Variants in ITSN2 observed in about 807,000 individuals in gnomAD.
ITSN2 encodes the protein intersectin-2.
ITSN2 carries 156 observed loss-of-function variants against 243.7 expected under a neutral mutation model. That is an observed-to-expected ratio of 0.64 (90% CI 0.56 to 0.73). ITSN2 has a LOEUF of 0.73. Ranked by LOEUF, ITSN2 falls within the 30% of genes least tolerant of loss-of-function variation. The pLI is 0.00. For synonymous variants in ITSN2, 703 were observed against 699.9 expected (o/e 1.00, Z -0.07); for missense variants, 1,801 against 1,996.1 (o/e 0.90, Z 1.86).
chr2:24,235,868 G>A (rs993816311), intron 29 of ITSN2, among the ~76,000 whole-genome samples: 4 of 152,126 alleles, frequency 2.6e-5, no homozygotes, highest in South Asian at 2.1e-4. Context: ...AACAAGTGCC[G>A]GTGAGGATGT....
intron 2 of ITSN2, among the ~76,000 whole-genome samples, chr2:24,324,093 G>A (rs1193161770): frequency 3.3e-5 from 5 of 152,146 alleles, no homozygotes; most frequent in South Asian, 2.1e-4. Context: ...TTAGCTAGGC[G>A]TGGTGGTGAG....
Position 24,204,082 on chromosome 2 carries a change from CCT to C in ITSN2, c.4936+161_4936+162del, listed in dbSNP as rs1224833287. 3 of 711,898 alleles carry C rather than the reference CCT, an allele frequency of 4.2e-6. No homozygotes were observed. Among genetic ancestry groups the C allele is most frequent in the African/African-American group, 3.6e-5 (2 of 55,858 alleles). 44.1% of individuals were successfully genotyped at this position (711,898 alleles called of 1,614,324 possible). ...AAACACATCTCAGGCCACCTCCTCC[CCT>C]GAGGAAGGCCACCCACCTGCTGCCA... On this transcript the variant is annotated intron_variant, in intron 39 of 39. Transcript: ENST00000355123. This position sits in a 1 kb window ranked among gnomAD's most constrained non-coding sequence, Gnocchi z 5.1.
chr2:24,264,766 G>GTTT (rs1171503796), intron 20 of ITSN2, among the ~76,000 whole-genome samples: 2 of 3,968 alleles, frequency 5.0e-4, no homozygotes, highest in African/African-American at 1.7e-3. Context: ...CTGTTCCATT[G>GTTT]ATCTATTTTC....
At chr2:24,222,469 G>A (rs1670561142) in intron 29 of ITSN2, among the ~76,000 whole-genome samples, 1 of 151,924 alleles carries the variant, frequency 6.6e-6, no homozygotes, top group Non-Finnish European at 1.5e-5. Flanking sequence ...AGTCCTGCAA[G>A]GTTATCTGCC....
At chr2:24,326,078 TCAGTAA>T (rs1374142291) in intron 2 of ITSN2, among the ~76,000 whole-genome samples, 1 of 152,190 alleles carries the variant, frequency 6.6e-6, no homozygotes, top group African/African-American at 2.4e-5. Flanking sequence ...AATGCTGCTC[TCAGTAA>T]CATCTTAAAC....
chr2:24,330,315 C>T (rs376213505), intron 1 of ITSN2: 17 of 414,728 alleles, frequency 4.1e-5, no homozygotes, highest in South Asian at 2.6e-4. Flanking sequence ...AAGAAGAAGA[C>T]GCGAGAACGA....
At chr2:24,292,567 G>A (rs777386490) in intron 15 of ITSN2, among the ~76,000 whole-genome samples, 1 of 152,132 alleles carries the variant, frequency 6.6e-6, no homozygotes, top group Non-Finnish European at 1.5e-5. Context: ...TTTCTTCCAC[G>A]TGAAGGGCCC....
chr2:24,341,214 C>T (rs1474421019), intron 1 of ITSN2, among the ~76,000 whole-genome samples: 1 of 152,070 alleles, frequency 6.6e-6, no homozygotes, highest in Non-Finnish European at 1.5e-5. Flanking sequence ...ACAAAATGTT[C>T]AATTTTGAGC....
At chr2:24,250,009 C>T (rs939332708) in intron 25 of ITSN2, among the ~76,000 whole-genome samples, 1 of 152,110 alleles carries the variant, frequency 6.6e-6, no homozygotes, top group African/African-American at 2.4e-5. Flanking sequence ...TGTTCTTCAC[C>T]GCCATGCACT....
At chr2:24,302,860 CATA>C (rs1349903174) in intron 9 of ITSN2, among the ~76,000 whole-genome samples, 1 of 152,144 alleles carries the variant, frequency 6.6e-6, no homozygotes, top group African/African-American at 2.4e-5. Flanking sequence ...TCATGAACTG[CATA>C]ATGACATATC....
rs1265322780 is a variant in ITSN2, at chr2:24,330,761, T to C, written c.-33-2646A>G. 7 of 525,704 alleles carry C rather than the reference T, an allele frequency of 1.3e-5. No homozygotes were observed. The Admixed American group carries it at 1.9e-4, about 14-fold the overall frequency. 32.6% of individuals were successfully genotyped at this position (525,704 alleles called of 1,614,324 possible). A position where few individuals can be genotyped will look rare whatever the true frequency, so the allele number is the denominator to read the frequency against. On this transcript the variant is annotated intron_variant, in intron 1 of 39. Transcript: ENST00000355123. The stretch of plus-strand genomic sequence containing the variant: ...ATCAAGTTTTATAAAAAATGCAGAA[T>C]TTCATTTTACTTTTTTTTTTTTTTA...
At chr2:24,311,041 GCTA>G (rs1397631345) in intron 5 of ITSN2, among the ~76,000 whole-genome samples, 1 of 151,666 alleles carries the variant, frequency 6.6e-6, no homozygotes, top group Non-Finnish European at 1.5e-5. Flanking sequence ...ATAATACAGT[GCTA>G]CTAAGTTACT....
chr2:24,217,330 T>C (rs936799732), intron 31 of ITSN2, among the ~76,000 whole-genome samples: 1 of 152,226 alleles, frequency 6.6e-6, no homozygotes, highest in African/African-American at 2.4e-5. Flanking sequence ...AAAGTTTCTT[T>C]TGAAAGATTC....
chr2:24,358,716 G>A (rs1688681049), intron 1 of ITSN2, among the ~76,000 whole-genome samples: 1 of 152,084 alleles, frequency 6.6e-6, no homozygotes, highest in African/African-American at 2.4e-5. Context: ...TTGGGTGATG[G>A]GTACATGCTA....
intron 1 of ITSN2, among the ~76,000 whole-genome samples, chr2:24,340,752 AC>A (rs1392855832): frequency 1.1e-4 from 17 of 150,120 alleles, no homozygotes; most frequent in African/African-American, 3.4e-4. Flanking sequence ...AGGAAAAAAA[AC>A]ACACACACAC....
upstream of ITSN2, chr2:24,360,604 A>AGCTGACGG (rs1688887192): frequency 1.3e-5 from 2 of 152,270 alleles, no homozygotes; most frequent in Admixed American, 1.3e-4. Flanking sequence ...GCTGCCGGGC[A>AGCTGACGG]CCGACTCCCC....
chr2:24,247,694 C>T (rs1290188567), intron 27 of ITSN2, among the ~76,000 whole-genome samples: 1 of 152,086 alleles, frequency 6.6e-6, no homozygotes, highest in Non-Finnish European at 1.5e-5. Flanking sequence ...TCAGAGTTCT[C>T]GGAATATTTC....
chr2:24,302,477 C>T (rs1021518629), intron 9 of ITSN2, among the ~76,000 whole-genome samples: 1 of 152,096 alleles, frequency 6.6e-6, no homozygotes, highest in Non-Finnish European at 1.5e-5. Context: ...AGATTACAGG[C>T]GTGAGCCACC....
chr2:24,258,085 C>G lies in ITSN2; in HGVS notation c.2691G>C (p.Val897=). 1 of 1,613,432 alleles carries G rather than the reference C, an allele frequency of 6.2e-7. No individual in the cohort carries two copies. The highest frequency in any genetic ancestry group is 8.5e-7 in the Non-Finnish European group (1 of 1,179,568). ...GGGCCTGTGCTTTTAAGTTTTCTACCACTTGTCCCTATGAATACAAAACCA... is the reference window on the plus strand; with the variant it reads ...GGGCCTGTGCTTTTAAGTTTTCTACGACTTGTCCCTATGAATACAAAACCA... The part of the protein sequence containing the change: ...SVSPIHGQGQ[V]VENLKAQALC... Residue 897 remains valine, a synonymous_variant, in exon 23 of 40, where the codon GTG becomes GTC. Transcript: ENST00000355123.
Sources: allele counts gnomAD v4.1 joint callset (sites outside exome capture counted in the v4.1 genomes callset), GRCh38; gene constraint gnomAD v4.1.1; non-coding constraint Gnocchi (gnomAD v3.1); transcripts MANE v1.5; gene names NCBI Gene and HGNC (gene_info 2026-07-23, HGNC 2026-07-21).